Variants in CNTN5 observed in about 807,000 individuals in gnomAD.
CNTN5 encodes the protein contactin-5.
CNTN5 carries 77 observed loss-of-function variants against 129.1 expected under a neutral mutation model. The ratio of observed to expected loss-of-function variants is 0.60; its 90% CI spans 0.50 to 0.72. The LOEUF is 0.72. CNTN5 is among the 30% of genes least tolerant of loss of function. The pLI is 0.00. For missense variants in CNTN5, 1,478 were observed against 1,328.8 expected (o/e 1.11, Z -1.75); for synonymous variants, 509 against 465.6 (o/e 1.09, Z -1.20).
intron 1 of CNTN5, among the ~76,000 whole-genome samples, chr11:99,318,844 T>G (rs888970976): frequency 6.6e-6 from 1 of 152,192 alleles, no homozygotes; most frequent in Non-Finnish European, 1.5e-5. Context: ...TCATGAATGG[T>G]TCACTACAAG....
chr11:99,824,261 C>T (rs746535596), intron 4 of CNTN5, among the ~76,000 whole-genome samples: 1 of 151,892 alleles, frequency 6.6e-6, no homozygotes, highest in African/African-American at 2.4e-5. Context: ...TATAGGTGTT[C>T]GTATTTCTCC....
At chr11:100,241,057 C>T (rs1949731373) in intron 16 of CNTN5, among the ~76,000 whole-genome samples, 1 of 152,158 alleles carries the variant, frequency 6.6e-6, no homozygotes, top group African/African-American at 2.4e-5. Context: ...AAACATGGTA[C>T]TTTCCATATT....
At chr11:99,778,951 T>G (rs1408601994) in intron 3 of CNTN5, among the ~76,000 whole-genome samples, 1 of 151,868 alleles carries the variant, frequency 6.6e-6, no homozygotes, top group Non-Finnish European at 1.5e-5. Flanking sequence ...TGTGTTGTTT[T>G]TCTCAATGTC....
chr11:99,256,144 T>C (rs1862365585), intron 1 of CNTN5, among the ~76,000 whole-genome samples: 2 of 152,238 alleles, frequency 1.3e-5, no homozygotes, highest in Admixed American at 6.5e-5. Context: ...AAATAGAAAA[T>C]AAAATGAAGT....
intron 1 of CNTN5, among the ~76,000 whole-genome samples, chr11:99,170,524 C>T (rs1256292281): frequency 3.9e-5 from 6 of 152,208 alleles, no homozygotes; most frequent in African/African-American, 9.6e-5. Flanking sequence ...AGTTCTGTTA[C>T]GCCTATGTCT....
At chr11:99,280,249 A>C (rs2135885775) in intron 1 of CNTN5, among the ~76,000 whole-genome samples, 1 of 151,894 alleles carries the variant, frequency 6.6e-6, no homozygotes, top group Non-Finnish European at 1.5e-5. Context: ...TCCAAAACAA[A>C]GGAATAAATG....
chr11:99,023,872 T>C (rs1862994855), intron 1 of CNTN5, among the ~76,000 whole-genome samples: 4 of 152,192 alleles, frequency 2.6e-5, no homozygotes, highest in Admixed American at 2.6e-4. Context: ...AAATTCTGAC[T>C]CCAGGAGTTG....
intron 1 of CNTN5, among the ~76,000 whole-genome samples, chr11:99,314,673 T>A (rs1865261850): frequency 6.6e-6 from 1 of 151,790 alleles, no homozygotes; most frequent in African/African-American, 2.4e-5. Flanking sequence ...CTACTGCTAT[T>A]AAGTAACAGT....
At chr11:100,305,346 G>A (rs1951324781) in intron 20 of CNTN5, among the ~76,000 whole-genome samples, 2 of 151,590 alleles carry the variant, frequency 1.3e-5, no homozygotes, top group Non-Finnish European at 3.0e-5. Flanking sequence ...TTGTGAGTGG[G>A]AGGAACTCTG....
At chr11:100,051,428 G>C (rs944956231) in intron 9 of CNTN5, among the ~76,000 whole-genome samples, 3 of 151,924 alleles carry the variant, frequency 2.0e-5, no homozygotes, top group African/African-American at 7.2e-5. Flanking sequence ...AAAGAAAGTA[G>C]AAAATATTTT....
At chr11:99,719,071 C>G (rs183890621) in intron 3 of CNTN5, among the ~76,000 whole-genome samples, 1 of 152,140 alleles carries the variant, frequency 6.6e-6, no homozygotes, top group African/African-American at 2.4e-5. Context: ...GTAATTCCAG[C>G]ACTTTGGGAG....
In CNTN5 at chr11:100,358,494, T is replaced by C. The variant is rs181322203; in HGVS notation, c.*2274T>C. Reference sequence around the variant, plus strand: ...CAGGTTTTCAATGTTTATGTACTTATGTGCTGCATATCTGTTACTTTGTAG... The same window carrying C: ...CAGGTTTTCAATGTTTATGTACTTACGTGCTGCATATCTGTTACTTTGTAG... On this transcript the variant is annotated 3_prime_UTR_variant, in exon 25 of 25. Transcript: ENST00000524871. The C allele has an allele frequency of 2.6e-5, 4 of 152,012 alleles. No individual in the cohort carries two copies. Among genetic ancestry groups the C allele is most frequent in the African/African-American group, 4.8e-5 (2 of 41,544 alleles). 9.4% of individuals were successfully genotyped at this position (152,012 alleles called of 1,614,324 possible).
intron 1 of CNTN5, among the ~76,000 whole-genome samples, chr11:99,310,921 T>A (rs1314036460): frequency 7.5e-6 from 1 of 132,984 alleles, no homozygotes; most frequent in African/African-American, 2.8e-5. Flanking sequence ...TGTAATGAAT[T>A]AGGTTGATTA....
chr11:99,122,889 T>C (rs1303937558), intron 1 of CNTN5, among the ~76,000 whole-genome samples: 2 of 152,168 alleles, frequency 1.3e-5, no homozygotes, highest in African/African-American at 2.4e-5. Context: ...TTCTTTCTAA[T>C]GGCTGTGTAG....
chr11:99,860,815 A>G (rs550904455), intron 6 of CNTN5, among the ~76,000 whole-genome samples: 91 of 151,962 alleles, frequency 6.0e-4, no homozygotes, highest in Middle Eastern at 3.4e-3. Context: ...TGAATTTTAG[A>G]ATTTTTTTTT....
chr11:100,039,268 C>A (rs1037037034), intron 9 of CNTN5, among the ~76,000 whole-genome samples: 3 of 152,092 alleles, frequency 2.0e-5, no homozygotes, highest in Non-Finnish European at 4.4e-5. Flanking sequence ...GTTGAAAATT[C>A]TTTTCTTTAA....
intron 13 of CNTN5, among the ~76,000 whole-genome samples, chr11:100,158,039 G>A (rs1947316560): frequency 6.6e-6 from 1 of 151,338 alleles, no homozygotes; most frequent in Admixed American, 6.6e-5. Flanking sequence ...GGAAAAGGGA[G>A]GAAAAAAACA....
At chr11:99,999,192 A>C (rs1000562094) in intron 8 of CNTN5, among the ~76,000 whole-genome samples, 10 of 152,152 alleles carry the variant, frequency 6.6e-5, no homozygotes, top group Admixed American at 5.9e-4. Flanking sequence ...TGCACAGCAA[A>C]AGAAACTACC....
chr11:100,145,530 G>T (rs1482714534), intron 13 of CNTN5, among the ~76,000 whole-genome samples: 1 of 152,122 alleles, frequency 6.6e-6, no homozygotes, highest in Non-Finnish European at 1.5e-5. Flanking sequence ...GACTTGACAG[G>T]AGCCTCTGGG....
Sources: allele counts gnomAD v4.1 joint callset (sites outside exome capture counted in the v4.1 genomes callset), GRCh38; gene constraint gnomAD v4.1.1; transcripts MANE v1.5; gene names NCBI Gene and HGNC (gene_info 2026-07-23, HGNC 2026-07-21).